Variants in ASAP3 observed in about 807,000 individuals in gnomAD.
ASAP3 encodes the protein arf-GAP with SH3 domain, ANK repeat and PH domain-containing protein 3.
ASAP3 carries 85 observed loss-of-function variants against 118.2 expected under a neutral mutation model. The observed-to-expected ratio is 0.72, with a 90% CI of 0.60 to 0.86. ASAP3 has a LOEUF of 0.86. Among genes scored for constraint, ASAP3 ranks in the 40% least tolerant of loss-of-function variants. The pLI, the probability that ASAP3 is intolerant of heterozygous loss-of-function variation, is 0.00. For synonymous variants in ASAP3, 432 were observed against 477.4 expected (o/e 0.90, Z 1.24); for missense variants, 1,026 against 1,175.0 (o/e 0.87, Z 1.85).
chr1:23,469,226 A>G (rs1438033119), intron 1 of ASAP3, among the ~76,000 whole-genome samples: 1 of 152,088 alleles, frequency 6.6e-6, no homozygotes, highest in Admixed American at 6.6e-5. Context: ...GTATCACTTG[A>G]GCCCAGGAGT....
At chr1:23,442,111 T>A in intron 7 of ASAP3, 75 bp downstream of exon 7, 1 of 1,444,322 alleles carries the variant, frequency 6.9e-7, no homozygotes, top group Non-Finnish European at 9.5e-7. Flanking sequence ...GACTCTCAGG[T>A]CTATCACACC....
rs147652133 is a variant in ASAP3, at chr1:23,434,573, G to A, written c.1795C>T (p.Gln599Ter). 1 of 1,614,158 alleles carries A rather than the reference G, an allele frequency of 6.2e-7. No individual in the cohort carries two copies. The highest frequency in any genetic ancestry group is 8.5e-7 in the Non-Finnish European group (1 of 1,180,032). The change falls in exon 18 of 25, where the codon CAG becomes TAG. Residue 599 changes from glutamine (Q) to a stop codon, truncating the protein, a stop_gained. Coordinates refer to ENST00000336689, the MANE Select transcript of ASAP3 (RefSeq NM_017707.4). LOFTEE classifies it high-confidence loss of function. ...AAATCCACCAGAGGCAGGGAAGCCT[G>A]GTTGGCGACTTTGACAGCCAAATGC... is the stretch of plus-strand genomic sequence containing the variant. Reference protein sequence around the residue: ...VLHLAVKVANQASLPLVDFII... With the variant: ...VLHLAVKVAN
At chr1:23,446,177 A>G (rs1353191531) in intron 5 of ASAP3, among the ~76,000 whole-genome samples, 1 of 152,198 alleles carries the variant, frequency 6.6e-6, no homozygotes, top group African/African-American at 2.4e-5. Flanking sequence ...TATCTGCTCC[A>G]GAGTAAATGG....
chr1:23,477,831 G>A (rs933183557), intron 1 of ASAP3, among the ~76,000 whole-genome samples: 3 of 151,994 alleles, frequency 2.0e-5, no homozygotes, highest in African/African-American at 4.8e-5. Context: ...CTCTCACCTC[G>A]GCCTCCCAAA....
rs1640748845 is a variant in ASAP3 at position 23,438,348 on chromosome 1, C to G, written c.1102+399G>C. Among the ~76,000 whole-genome samples, 1 of 152,162 alleles carries G rather than the reference C, an allele frequency of 6.6e-6. No individual in the cohort carries two copies. Among genetic ancestry groups the G allele is most frequent in the African/African-American group, 2.4e-5 (1 of 41,434 alleles). Reference sequence around the variant, plus strand: ...GGACAAGATCTAGGTCTTTCTCAGCCTGTGTCTGCTCTCACACAAAGCCTG... The same window carrying G: ...GGACAAGATCTAGGTCTTTCTCAGCGTGTGTCTGCTCTCACACAAAGCCTG... On this transcript the variant is annotated intron_variant, in intron 12 of 24. Transcript: ENST00000336689. The surrounding 1 kb of genome is among the most constrained non-coding windows in gnomAD (Gnocchi z 4.9).
chr1:23,464,942 T>C (rs1451427272), intron 1 of ASAP3, among the ~76,000 whole-genome samples: 1 of 152,154 alleles, frequency 6.6e-6, no homozygotes, highest in African/African-American at 2.4e-5. Flanking sequence ...TACATCATCA[T>C]TGCTAAAAGT....
intron 1 of ASAP3, among the ~76,000 whole-genome samples, chr1:23,481,861 A>T (rs1325844978): frequency 6.6e-6 from 1 of 152,214 alleles, no homozygotes; most frequent in African/African-American, 2.4e-5. Context: ...GAGGAGGATG[A>T]ACCATGAAAT....
intron 5 of ASAP3, among the ~76,000 whole-genome samples, chr1:23,446,273 A>G (rs1641043207): frequency 6.6e-6 from 1 of 152,206 alleles, no homozygotes; most frequent in African/African-American, 2.4e-5. Context: ...CTTAACCTTT[A>G]TAAAACTTTC....
upstream of ASAP3, chr1:23,484,180 G>A (rs936966877): frequency 6.5e-6 from 8 of 1,228,550 alleles, no homozygotes; most frequent in African/African-American, 7.8e-5. Context: ...GGGGGGCACT[G>A]AGCTGCTCCG....
At chr1:23,479,029 G>A (rs1341084194) in intron 1 of ASAP3, among the ~76,000 whole-genome samples, 3 of 152,064 alleles carry the variant, frequency 2.0e-5, no homozygotes, top group African/African-American at 7.2e-5. Context: ...TTACCCTGCC[G>A]GTCACTTTCC....
chr1:23,442,296 C>A lies in ASAP3; in HGVS notation c.586-25G>T, dbSNP rs189586718. Reference sequence around the variant, plus strand: ...ACTAGGAGGAGGGCAGGGCAAGATACGTGATGTGAGCTGAAGCAGAATCCT... The same window carrying A: ...ACTAGGAGGAGGGCAGGGCAAGATAAGTGATGTGAGCTGAAGCAGAATCCT... On this transcript the variant is annotated intron_variant, in intron 6 of 24. Transcript: ENST00000336689. The A allele has an allele frequency of 3.8e-6, 6 of 1,591,618 alleles. No homozygotes were observed. In the South Asian group the frequency reaches 6.8e-5, roughly 18 times the overall value.
In ASAP3 at chr1:23,431,680, C is replaced by G. The variant is rs752214529; in HGVS notation, c.2546+16G>C. Reference sequence around the variant, plus strand: ...CAGGGGATTTGCCCTGGTTGCACAGCTGGGCCCTCACCAACCTGAATCTGA... The same window carrying G: ...CAGGGGATTTGCCCTGGTTGCACAGGTGGGCCCTCACCAACCTGAATCTGA... On this transcript the variant is annotated intron_variant, in intron 23 of 24. Coordinates refer to ENST00000336689, the MANE Select transcript of ASAP3 (RefSeq NM_017707.4). 4 of 1,522,740 alleles carry G rather than the reference C, an allele frequency of 2.6e-6. No individual in the cohort carries two copies. The highest frequency in any genetic ancestry group is 3.5e-6 in the Non-Finnish European group (4 of 1,141,496). The allele number at this position is 1,522,740 out of a possible 1,614,324, so 94.3% of individuals were successfully genotyped here.
At chr1:23,471,432 G>C (rs566164079) in intron 1 of ASAP3, among the ~76,000 whole-genome samples, 72 of 152,244 alleles carry the variant, frequency 4.7e-4, no homozygotes, top group Non-Finnish European at 9.4e-4. Context: ...AGAAAGGCAG[G>C]GAATGGCTCA....
intron 1 of ASAP3, among the ~76,000 whole-genome samples, chr1:23,477,790 T>C (rs1203041403): frequency 6.6e-6 from 1 of 152,198 alleles, no homozygotes; most frequent in African/African-American, 2.4e-5. Flanking sequence ...CGGAGTTCAC[T>C]GCAGCCTCAA....
Position 23,438,682 on chromosome 1 carries a change from C to G in ASAP3, c.1102+65G>C. ...ACCCCTCACTGAAGCCCCCCGGGAG[C>G]TGACAGGTGTCTTAGAGAAGCCCTG... On this transcript the variant is annotated intron_variant, in intron 12 of 24. Coordinates refer to ENST00000336689, the MANE Select transcript of ASAP3 (RefSeq NM_017707.4). This position sits in a 1 kb window ranked among gnomAD's most constrained non-coding sequence, Gnocchi z 4.9. 1.4e-6 allele frequency: 2 copies of G among 1,480,746 alleles called. No individual in the cohort carries two copies. Among genetic ancestry groups the G allele is most frequent in the Non-Finnish European group, 1.9e-6 (2 of 1,062,774 alleles). The allele number at this position is 1,480,746 out of a possible 1,614,324, so 91.7% of individuals were successfully genotyped here.
intron 5 of ASAP3, 77 bp from the exon 6 acceptor site, chr1:23,442,689 A>C: frequency 6.5e-7 from 1 of 1,549,664 alleles, no homozygotes; most frequent in Non-Finnish European, 8.7e-7. Flanking sequence ...TGCATGAGCA[A>C]AGGGGCCACA....
intron 5 of ASAP3, among the ~76,000 whole-genome samples, chr1:23,446,439 CTT>C (rs11365378): frequency 0.5 from 64,899 of 130,118 alleles, 17,670 homozygotes; most frequent in Non-Finnish European, 0.63. Flanking sequence ...GTTTTTTTGT[CTT>C]TTTTTTTTTT....
At chr1:23,475,861 G>C (rs989815451) in intron 1 of ASAP3, among the ~76,000 whole-genome samples, 1 of 152,148 alleles carries the variant, frequency 6.6e-6, no homozygotes, top group African/African-American at 2.4e-5. Context: ...GTGGAAGCAC[G>C]AGGATTGCTT....
At chr1:23,470,462 G>A (rs918764537) in intron 1 of ASAP3, among the ~76,000 whole-genome samples, 11 of 152,118 alleles carry the variant, frequency 7.2e-5, no homozygotes, top group Middle Eastern at 3.2e-3. Flanking sequence ...CAGCCCCTAC[G>A]GTGGCTACAC....
Sources: allele counts gnomAD v4.1 joint callset (sites outside exome capture counted in the v4.1 genomes callset), GRCh38; gene constraint gnomAD v4.1.1; non-coding constraint Gnocchi (gnomAD v3.1); transcripts MANE v1.5; gene names NCBI Gene and HGNC (gene_info 2026-07-23, HGNC 2026-07-21).